LHFPL6: variants seen among roughly 807,000 people sequenced by gnomAD.
LHFPL6 encodes LHFPL tetraspan subfamily member 6 protein.
LHFPL6 carries 9 observed loss-of-function variants against 20.6 expected under a neutral mutation model. The ratio of observed to expected loss-of-function variants is 0.44; its 90% CI spans 0.26 to 0.76. The LOEUF is 0.76. Among genes scored for constraint, LHFPL6 ranks in the 30% least tolerant of loss-of-function variants. LHFPL6 has a pLI of 0.20. For missense variants in LHFPL6, 218 were observed against 253.5 expected (o/e 0.86, Z 0.95); for synonymous variants, 105 against 98.7 (o/e 1.06, Z -0.38).
chr13:39,525,037 G>T (rs945940311), intron 2 of LHFPL6, among the ~76,000 whole-genome samples: 1 of 152,166 alleles, frequency 6.6e-6, no homozygotes, highest in African/African-American at 2.4e-5. Context: ...AAATGGAAGA[G>T]AACATGTCTG....
chr13:39,495,779 A>ATTTTTTTTTTTTTTTTTTTTTTTTTTTT (rs10558170), intron 2 of LHFPL6, among the ~76,000 whole-genome samples: 3 of 89,542 alleles, frequency 3.4e-5, no homozygotes, highest in Non-Finnish European at 6.6e-5. Flanking sequence ...TAACTCAATA[A>ATTTTTTTTTTTTTTTTTTTTTTTTTTTT]TTTTTTTTTT....
chr13:39,394,961 G>T (rs1467269529), intron 2 of LHFPL6, among the ~76,000 whole-genome samples: 1 of 152,128 alleles, frequency 6.6e-6, no homozygotes, highest in East Asian at 1.9e-4. Context: ...AAAAAGTTCT[G>T]AGGTCACCCA....
intron 2 of LHFPL6, among the ~76,000 whole-genome samples, chr13:39,513,364 C>G (rs1343502457): frequency 6.6e-6 from 1 of 152,180 alleles, no homozygotes; most frequent in African/African-American, 2.4e-5. Flanking sequence ...CTCTTATACT[C>G]CCAAGTTTGT....
chr13:39,459,617 T>C (rs975888234), intron 2 of LHFPL6, among the ~76,000 whole-genome samples: 1 of 152,214 alleles, frequency 6.6e-6, no homozygotes, highest in Non-Finnish European at 1.5e-5. Context: ...CATGGGAATT[T>C]AAACCTTTGG....
intron 2 of LHFPL6, among the ~76,000 whole-genome samples, chr13:39,576,624 C>T (rs369076489): frequency 2.0e-5 from 3 of 152,134 alleles, no homozygotes; most frequent in African/African-American, 7.2e-5. Flanking sequence ...CTGCTGTCAT[C>T]ATCTTGAAAT....
intron 2 of LHFPL6, among the ~76,000 whole-genome samples, chr13:39,562,605 TAC>T (rs1491495188): frequency 3.8e-4 from 22 of 58,638 alleles, no homozygotes; most frequent in South Asian, 7.8e-4. Flanking sequence ...TATACACATA[TAC>T]ATATATACAC....
chr13:39,397,924 GTGTT>G (rs1203653171), intron 2 of LHFPL6, among the ~76,000 whole-genome samples: 1 of 152,140 alleles, frequency 6.6e-6, no homozygotes, highest in Non-Finnish European at 1.5e-5. Flanking sequence ...GTGTGTGTGT[GTGTT>G]TGTGTGCATT....
At chr13:39,573,634 G>T (rs899650083) in intron 2 of LHFPL6, among the ~76,000 whole-genome samples, 1 of 151,844 alleles carries the variant, frequency 6.6e-6, no homozygotes, top group Non-Finnish European at 1.5e-5. Context: ...AACATCACAA[G>T]TTTTTTAATT....
At chr13:39,449,803 T>C (rs1872393412) in intron 2 of LHFPL6, among the ~76,000 whole-genome samples, 1 of 148,826 alleles carries the variant, frequency 6.7e-6, no homozygotes, top group African/African-American at 2.5e-5. Context: ...CCAAGGTCAA[T>C]GGTTAAGAGT....
At chr13:39,355,812 G>A (rs1869711008) in intron 3 of LHFPL6, among the ~76,000 whole-genome samples, 1 of 152,126 alleles carries the variant, frequency 6.6e-6, no homozygotes, top group Non-Finnish European at 1.5e-5. Flanking sequence ...AACGATAAAG[G>A]GTTCAATTCA....
At chr13:39,371,691 C>A (rs946106901) in intron 3 of LHFPL6, among the ~76,000 whole-genome samples, 1 of 152,170 alleles carries the variant, frequency 6.6e-6, no homozygotes, top group Non-Finnish European at 1.5e-5. Flanking sequence ...GACTAAAATG[C>A]CTTTTCTCCT....
At chr13:39,429,706 T>C (rs192810980) in intron 2 of LHFPL6, among the ~76,000 whole-genome samples, 2 of 152,346 alleles carry the variant, frequency 1.3e-5, no homozygotes, top group East Asian at 3.9e-4. Context: ...TTATATACAC[T>C]CACAGTCTCC....
intron 2 of LHFPL6, among the ~76,000 whole-genome samples, chr13:39,421,954 G>C (rs1871501242): frequency 1.3e-5 from 2 of 152,178 alleles, no homozygotes; most frequent in Non-Finnish European, 2.9e-5. Context: ...TACTTGGCTA[G>C]CCCAGTAACA....
chr13:39,602,063 T>C lies in LHFPL6; in HGVS notation c.-174-673A>G, dbSNP rs184734479. ...GAGTCTGCAGTTTTGATTCATTGAT[T>C]CCAACAGTTCTATTGCAATCATTTC... On this transcript the variant is annotated intron_variant, in intron 1 of 3. Transcript: ENST00000379589. 2.9e-3 allele frequency among the ~76,000 whole-genome samples: 446 copies of C among 152,278 alleles called. 4 individuals carry two copies. Among genetic ancestry groups the C allele is most frequent in the Non-Finnish European group, 2.4e-3 (166 of 68,022 alleles).
At chr13:39,557,953 C>T (rs1000324938) in intron 2 of LHFPL6, among the ~76,000 whole-genome samples, 2 of 152,210 alleles carry the variant, frequency 1.3e-5, no homozygotes, top group Non-Finnish European at 2.9e-5. Flanking sequence ...GACACACCTG[C>T]TCCCCCTTTG....
intron 2 of LHFPL6, among the ~76,000 whole-genome samples, chr13:39,526,706 G>C (rs950325724): frequency 3.3e-5 from 5 of 152,162 alleles, no homozygotes; most frequent in Admixed American, 3.3e-4. Flanking sequence ...CATTCATCCT[G>C]CCGCAGCTCA....
At chr13:39,378,858 C>T (rs1870365066) in intron 2 of LHFPL6, among the ~76,000 whole-genome samples, 1 of 152,196 alleles carries the variant, frequency 6.6e-6, no homozygotes, top group South Asian at 2.1e-4. Context: ...TTAATCCATG[C>T]AAACAAGTAT....
intron 3 of LHFPL6, among the ~76,000 whole-genome samples, chr13:39,357,038 T>C (rs1869744354): frequency 1.3e-5 from 2 of 152,078 alleles, no homozygotes; most frequent in African/African-American, 4.8e-5. Flanking sequence ...TGGGTGTGGT[T>C]GCATGAACCT....
chr13:39,528,247 A>G (rs1200292220), intron 2 of LHFPL6, among the ~76,000 whole-genome samples: 1 of 152,040 alleles, frequency 6.6e-6, no homozygotes, highest in Non-Finnish European at 1.5e-5. Flanking sequence ...GTCTCCCCAA[A>G]CCAGGCTGCA....
Sources: gnomAD v4.1 joint callset for allele counts (sites outside exome capture counted in the v4.1 genomes callset) on GRCh38, gnomAD v4.1.1 for gene constraint, MANE v1.5 for transcripts, NCBI Gene and HGNC (gene_info 2026-07-23, HGNC 2026-07-21) for gene names.